Variants in HS2ST1 observed in about 807,000 individuals in gnomAD.
HS2ST1 encodes the protein heparan sulfate 2-O-sulfotransferase 1.
HS2ST1 carries 18 observed loss-of-function variants against 42.9 expected under a neutral mutation model. That is an observed-to-expected ratio of 0.42 (90% CI 0.29 to 0.62). The LOEUF is 0.62. Among genes scored for constraint, HS2ST1 ranks in the 20% least tolerant of loss-of-function variants. The probability of loss-of-function intolerance (pLI) is 0.21; values close to 1 mark genes in which losing one functional copy is unlikely to be tolerated. For synonymous variants in HS2ST1, 146 were observed against 152.9 expected, an observed-to-expected ratio of 0.95 and a Z score of 0.33; for missense variants, 334 against 433.8, an observed-to-expected ratio of 0.77 and a Z score of 2.04.
chr1:87,068,322 T>A (rs982935147), intron 1 of HS2ST1, among the ~76,000 whole-genome samples: 2 of 152,158 alleles, frequency 1.3e-5, no homozygotes, highest in South Asian at 2.1e-4. Context: ...ATTCTCTTTG[T>A]AGCAATTGTG....
At chr1:87,004,992 C>G (rs1347032306) in intron 1 of HS2ST1, among the ~76,000 whole-genome samples, 2 of 152,152 alleles carry the variant, frequency 1.3e-5, no homozygotes, top group African/African-American at 2.4e-5. Context: ...TGTTATTTTC[C>G]ATTCCATGGT....
chr1:87,099,039 A>G (rs974796881), intron 5 of HS2ST1, among the ~76,000 whole-genome samples: 4 of 152,152 alleles, frequency 2.6e-5, no homozygotes, highest in Admixed American at 6.6e-5. Flanking sequence ...CGGCCTCCCA[A>G]AGTGCTGGGA....
intron 1 of HS2ST1, among the ~76,000 whole-genome samples, chr1:86,926,941 T>C (rs1660434496): frequency 6.6e-6 from 1 of 152,226 alleles, no homozygotes; most frequent in Non-Finnish European, 1.5e-5. Flanking sequence ...ATCAATTTTA[T>C]TCTGATTTTA....
chr1:86,976,704 G>GCA (rs1553134339), intron 1 of HS2ST1, among the ~76,000 whole-genome samples: 1 of 79,662 alleles, frequency 1.3e-5, no homozygotes, highest in Non-Finnish European at 2.7e-5. Flanking sequence ...TTATAAAATT[G>GCA]TATATATATA....
intron 1 of HS2ST1, among the ~76,000 whole-genome samples, chr1:86,922,966 G>C (rs996550236): frequency 2.6e-5 from 4 of 151,850 alleles, no homozygotes; most frequent in Non-Finnish European, 5.9e-5. Context: ...ACTTACATTA[G>C]ACCACATGAA....
At chr1:87,075,215 G>T (rs1651510165) in intron 2 of HS2ST1, among the ~76,000 whole-genome samples, 2 of 124,042 alleles carry the variant, frequency 1.6e-5, no homozygotes, top group African/African-American at 6.3e-5. Context: ...TGCTTCCCAG[G>T]CTGGAGTGCA....
chr1:87,062,090 G>A (rs2100623974), intron 1 of HS2ST1, among the ~76,000 whole-genome samples: 1 of 152,042 alleles, frequency 6.6e-6, no homozygotes, highest in African/African-American at 2.4e-5. Context: ...ATTGATTAGA[G>A]ACTGTTCTTT....
intron 1 of HS2ST1, among the ~76,000 whole-genome samples, chr1:86,966,921 C>T (rs1174962611): frequency 6.2e-5 from 9 of 144,078 alleles, no homozygotes; most frequent in Non-Finnish European, 1.1e-4. Context: ...GGCGGAATTT[C>T]GCTCTTGTTG....
At chr1:86,922,169 G>GTT (rs141078792) in intron 1 of HS2ST1, among the ~76,000 whole-genome samples, 20 of 145,314 alleles carry the variant, frequency 1.4e-4, no homozygotes, top group South Asian at 4.3e-4. Flanking sequence ...CTTTGTTGTT[G>GTT]TTTTTTTTTT....
intron 2 of HS2ST1, among the ~76,000 whole-genome samples, chr1:87,083,538 A>C (rs184126196): frequency 1.7e-3 from 265 of 152,154 alleles, no homozygotes; most frequent in Non-Finnish European, 1.5e-3. Flanking sequence ...AGTTTTAGAC[A>C]TATTAAAATA....
At chr1:86,942,801 C>T (rs1211873338) in intron 1 of HS2ST1, among the ~76,000 whole-genome samples, 1 of 152,012 alleles carries the variant, frequency 6.6e-6, no homozygotes. Flanking sequence ...TTTAAAACAC[C>T]ACCACCACCA....
chr1:87,048,447 T>A (rs1176740017), intron 1 of HS2ST1, among the ~76,000 whole-genome samples: 2 of 152,160 alleles, frequency 1.3e-5, no homozygotes, highest in Non-Finnish European at 2.9e-5. Context: ...CTGATGAGGG[T>A]GGACATCCTT....
chr1:87,018,529 A>T (rs1204005110), intron 1 of HS2ST1, among the ~76,000 whole-genome samples: 1 of 152,160 alleles, frequency 6.6e-6, no homozygotes, highest in Non-Finnish European at 1.5e-5. Flanking sequence ...AGCAGCACCT[A>T]GCAGCCAACA....
At chr1:86,940,814 C>A (rs924271542) in intron 1 of HS2ST1, among the ~76,000 whole-genome samples, 3 of 152,002 alleles carry the variant, frequency 2.0e-5, no homozygotes, top group Admixed American at 2.0e-4. Context: ...GGCAACATAG[C>A]AAGACCCCAT....
At chr1:87,048,207 G>T (rs1021766301) in intron 1 of HS2ST1, among the ~76,000 whole-genome samples, 5 of 152,094 alleles carry the variant, frequency 3.3e-5, no homozygotes, top group African/African-American at 1.2e-4. Flanking sequence ...CTGATTATCT[G>T]TTATTAGTAA....
chr1:87,098,828 C>A (rs1284227341), intron 5 of HS2ST1, among the ~76,000 whole-genome samples: 1 of 152,178 alleles, frequency 6.6e-6, no homozygotes, highest in Non-Finnish European at 1.5e-5. Context: ...ATCACACAAG[C>A]TGGAGTGCAG....
In HS2ST1 at chr1:86,914,990, C is replaced by G. The variant is rs1388746584; in HGVS notation, c.-47C>G. 3 of 1,611,040 alleles carry G rather than the reference C, an allele frequency of 1.9e-6. No homozygotes were observed. The African/African-American group carries it at 4.0e-5, about 22-fold the overall frequency. On this transcript the variant is annotated 5_prime_UTR_variant, in exon 1 of 7. Transcript: ENST00000370550. Reference sequence around the variant, plus strand: ...GGCGTCTCTCTCGCCTCCGGGGTCCCGCTCCCCGCCCCCCGCGGTATGTCT... The same window carrying G: ...GGCGTCTCTCTCGCCTCCGGGGTCCGGCTCCCCGCCCCCCGCGGTATGTCT...
chr1:87,039,681 G>T (rs971812923), intron 1 of HS2ST1, among the ~76,000 whole-genome samples: 16 of 152,172 alleles, frequency 1.1e-4, no homozygotes, highest in Non-Finnish European at 1.5e-4. Context: ...GTGACATCCT[G>T]ATTTTACCAC....
At chr1:87,002,799 G>A (rs1010656279) in intron 1 of HS2ST1, among the ~76,000 whole-genome samples, 2 of 151,702 alleles carry the variant, frequency 1.3e-5, no homozygotes, top group African/African-American at 4.8e-5. Context: ...GAAAATCCTT[G>A]ACTCCTGATC....
Sources: gnomAD v4.1 joint callset for allele counts (sites outside exome capture counted in the v4.1 genomes callset) on GRCh38, gnomAD v4.1.1 for gene constraint, MANE v1.5 for transcripts, NCBI Gene and HGNC (gene_info 2026-07-23, HGNC 2026-07-21) for gene names.